INPP4B: variants seen among roughly 807,000 people sequenced by gnomAD.
INPP4B encodes the protein inositol polyphosphate 4-phosphatase type II.
In INPP4B, 55 loss-of-function variants were observed where a neutral mutation model predicts 122.5. That is an observed-to-expected ratio of 0.45 (90% confidence interval 0.36 to 0.56). The LOEUF is 0.56. INPP4B is among the 20% of genes least tolerant of loss of function. The pLI is 0.00. For missense variants in INPP4B, 1,000 were observed against 1,097.7 expected (o/e 0.91, Z 1.26); for synonymous variants, 403 against 388.7 (o/e 1.04, Z -0.43).
intron 5 of INPP4B, among the ~76,000 whole-genome samples, chr4:142,411,549 G>A (rs902564974): frequency 6.6e-6 from 1 of 152,066 alleles, no homozygotes; most frequent in Non-Finnish European, 1.5e-5. Flanking sequence ...AGAGCAAAAA[G>A]GGCCAGAGTA....
chr4:142,558,867 A>G (rs1363244961), intron 2 of INPP4B, among the ~76,000 whole-genome samples: 1 of 147,084 alleles, frequency 6.8e-6, no homozygotes, highest in Non-Finnish European at 1.5e-5. Flanking sequence ...TGTGTCCTTG[A>G]TCGCCTGTCA....
At chr4:142,126,064 C>T (rs566682059) in intron 18 of INPP4B, among the ~76,000 whole-genome samples, 1 of 152,088 alleles carries the variant, frequency 6.6e-6, no homozygotes, top group Admixed American at 6.6e-5. Flanking sequence ...ATAATTATGA[C>T]TTTGGTATGA....
At chr4:142,546,292 A>G (rs1646926545) in intron 2 of INPP4B, among the ~76,000 whole-genome samples, 2 of 152,294 alleles carry the variant, frequency 1.3e-5, no homozygotes, top group South Asian at 4.1e-4. Context: ...GCTGCATAGT[A>G]TTCCATTGTG....
chr4:142,487,256 C>T (rs944393968), intron 2 of INPP4B, among the ~76,000 whole-genome samples: 2 of 152,102 alleles, frequency 1.3e-5, no homozygotes, highest in African/African-American at 4.8e-5. Flanking sequence ...GTCCAATAAA[C>T]CTCTTTCTTT....
At chr4:142,506,496 A>T (rs960420665) in intron 2 of INPP4B, among the ~76,000 whole-genome samples, 15 of 152,186 alleles carry the variant, frequency 9.9e-5, no homozygotes, top group African/African-American at 3.1e-4. Flanking sequence ...GCAGCCTGTT[A>T]TAGAAAATCC....
In INPP4B at chr4:142,566,165, C is replaced by G. The variant is rs1046817793; in HGVS notation, c.-190-103439G>C. The G allele has an allele frequency of 3.9e-5, 6 of 152,012 alleles. No individual in the cohort carries two copies. The South Asian group carries it at 8.3e-4, about 21-fold the overall frequency. 9.4% of individuals were successfully genotyped at this position (152,012 alleles called of 1,614,324 possible). ...AAATGACAGGATGAAAACTGTGCCT[C>G]GAGGAGATTAAACTGGAAGCAGAAG... On this transcript the variant is annotated intron_variant, in intron 2 of 25. Coordinates refer to ENST00000262992, the MANE Select transcript of INPP4B (RefSeq NM_001101669.3).
At chr4:142,294,910 G>A (rs1758010902) in intron 9 of INPP4B, among the ~76,000 whole-genome samples, 2 of 148,404 alleles carry the variant, frequency 1.3e-5, no homozygotes, top group Non-Finnish European at 3.0e-5. Flanking sequence ...GGGCTGAGCA[G>A]ATGTGCAGAT....
chr4:142,652,076 CA>C (rs1273721496), intron 2 of INPP4B, among the ~76,000 whole-genome samples: 1 of 152,182 alleles, frequency 6.6e-6, no homozygotes, highest in African/African-American at 2.4e-5. Context: ...ATACACAAAT[CA>C]ATAAACGTAA....
At chr4:142,500,056 T>C (rs1301689501) in intron 2 of INPP4B, among the ~76,000 whole-genome samples, 3 of 152,100 alleles carry the variant, frequency 2.0e-5, no homozygotes, top group Non-Finnish European at 4.4e-5. Flanking sequence ...TCCCTTTTCC[T>C]CCACAACAAG....
chr4:142,591,607 A>G (rs932724216), intron 2 of INPP4B, among the ~76,000 whole-genome samples: 102 of 152,168 alleles, frequency 6.7e-4, no homozygotes, highest in African/African-American at 2.4e-3. Flanking sequence ...TTTCCTTCCA[A>G]AAAGCACTAT....
At chr4:142,068,928 CAG>C in intron 25 of INPP4B, among the ~76,000 whole-genome samples, 1 of 152,268 alleles carries the variant, frequency 6.6e-6, no homozygotes, top group African/African-American at 2.4e-5. Flanking sequence ...ATCAACAAGA[CAG>C]AAAGTTAACA....
At chr4:142,771,220 T>C (rs1481109902) in intron 1 of INPP4B, among the ~76,000 whole-genome samples, 1 of 152,120 alleles carries the variant, frequency 6.6e-6, no homozygotes, top group East Asian at 1.9e-4. Flanking sequence ...AATGTCACCA[T>C]ACCACATGAA....
intron 2 of INPP4B, among the ~76,000 whole-genome samples, chr4:142,497,126 G>A (rs767188870): frequency 3.3e-5 from 5 of 152,096 alleles, no homozygotes; most frequent in Admixed American, 1.3e-4. Context: ...AGCCACATCT[G>A]AATGTTTGTG....
intron 7 of INPP4B, among the ~76,000 whole-genome samples, chr4:142,382,750 T>A (rs918210395): frequency 2.0e-4 from 30 of 149,642 alleles, no homozygotes; most frequent in Admixed American, 4.7e-4. Context: ...ATGAACACAT[T>A]AGGTCTTTAT....
intron 2 of INPP4B, among the ~76,000 whole-genome samples, chr4:142,650,029 C>T (rs1336839679): frequency 6.6e-6 from 1 of 152,172 alleles, no homozygotes; most frequent in Non-Finnish European, 1.5e-5. Flanking sequence ...CAGGAGAAAC[C>T]CTTCAAGCCA....
At chr4:142,284,613 A>G (rs780568213) in intron 9 of INPP4B, among the ~76,000 whole-genome samples, 7 of 152,096 alleles carry the variant, frequency 4.6e-5, no homozygotes, top group Non-Finnish European at 8.8e-5. Flanking sequence ...GCAGAGAAAG[A>G]GGAAGAGGAG....
intron 2 of INPP4B, among the ~76,000 whole-genome samples, chr4:142,656,341 A>AT: frequency 6.6e-6 from 1 of 152,306 alleles, no homozygotes. Context: ...GTCCTGCATC[A>AT]TTTTTGGCGC....
At chr4:142,534,662 T>C (rs923133869) in intron 2 of INPP4B, among the ~76,000 whole-genome samples, 2 of 150,336 alleles carry the variant, frequency 1.3e-5, no homozygotes, top group East Asian at 1.9e-4. Flanking sequence ...TAGGATATAT[T>C]ATTAATAAAT....
chr4:142,236,970 A>G (rs1856937006), intron 12 of INPP4B, among the ~76,000 whole-genome samples: 1 of 152,214 alleles, frequency 6.6e-6, no homozygotes. Context: ...AGTATTTTAT[A>G]TAAGGTAGCA....
Sources: gnomAD v4.1 joint callset for allele counts (sites outside exome capture counted in the v4.1 genomes callset) on GRCh38, gnomAD v4.1.1 for gene constraint, MANE v1.5 for transcripts, NCBI Gene and HGNC (gene_info 2026-07-23, HGNC 2026-07-21) for gene names.